Variants in AAGAB observed in about 807,000 individuals in gnomAD.
The protein encoded by AAGAB is alpha- and gamma-adaptin-binding protein p34.
AAGAB carries 38 observed loss-of-function variants against 44.1 expected under a neutral mutation model. The ratio of observed to expected loss-of-function variants is 0.86; its 90% CI spans 0.67 to 1.13. The LOEUF (loss-of-function observed/expected upper bound fraction) is 1.13, where lower values mean the gene tolerates loss of function less well. AAGAB is among the 50% of genes most tolerant of loss of function. AAGAB has a pLI of 0.00. For missense variants in AAGAB, 450 were observed against 373.8 expected, an observed-to-expected ratio of 1.20 and a Z score of -1.68; for synonymous variants, 131 against 131.8, an observed-to-expected ratio of 0.99 and a Z score of 0.04.
chr15:67,253,144 G>A (rs925900566), intron 1 of AAGAB, among the ~76,000 whole-genome samples: 1 of 152,086 alleles, frequency 6.6e-6, no homozygotes, highest in African/African-American at 2.4e-5. Flanking sequence ...TGAAGGGGCC[G>A]GGCGCGGTGG....
chr15:67,223,676 C>G (rs1300326843), intron 5 of AAGAB, among the ~76,000 whole-genome samples: 2 of 152,192 alleles, frequency 1.3e-5, no homozygotes, highest in African/African-American at 4.8e-5. Flanking sequence ...CCAGAGTGAT[C>G]TTTTTAGACT....
chr15:67,222,238 G>GCACACA (rs1280858919), intron 5 of AAGAB, among the ~76,000 whole-genome samples: 1 of 45,836 alleles, frequency 2.2e-5, no homozygotes, highest in Admixed American at 3.0e-4. Context: ...GCACGCGCGC[G>GCACACA]CGCGCACACA....
At chr15:67,245,142 C>T (rs1413281524) in intron 1 of AAGAB, among the ~76,000 whole-genome samples, 1 of 152,190 alleles carries the variant, frequency 6.6e-6, no homozygotes, top group Non-Finnish European at 1.5e-5. Flanking sequence ...TATGACCCAG[C>T]AATTCCACTC....
intron 5 of AAGAB, among the ~76,000 whole-genome samples, chr15:67,210,376 C>T (rs1963787836): frequency 6.6e-6 from 1 of 151,968 alleles, no homozygotes. Context: ...ATTAGCCAGG[C>T]ATGGTGGTGG....
chr15:67,237,601 A>C (rs1468169867), intron 1 of AAGAB, among the ~76,000 whole-genome samples: 3 of 152,172 alleles, frequency 2.0e-5, no homozygotes, highest in African/African-American at 7.2e-5. Flanking sequence ...GAGCCATGGA[A>C]GCATTTTGCT....
intron 5 of AAGAB, among the ~76,000 whole-genome samples, chr15:67,222,282 A>ACACACACACACACACACACACCC (rs796412643): frequency 2.9e-4 from 41 of 139,838 alleles, no homozygotes; most frequent in Admixed American, 6.6e-4. Flanking sequence ...ACACACACAC[A>ACACACACACACACACACACACCC]CCCTCCACCC....
chr15:67,229,558 C>T (rs1174462267), intron 5 of AAGAB, among the ~76,000 whole-genome samples: 2 of 150,870 alleles, frequency 1.3e-5, no homozygotes, highest in Non-Finnish European at 2.9e-5. Flanking sequence ...TTCAATTTAA[C>T]AGACACAATA....
At chr15:67,211,170 C>T (rs1338634484) in intron 5 of AAGAB, among the ~76,000 whole-genome samples, 3 of 152,218 alleles carry the variant, frequency 2.0e-5, no homozygotes, top group East Asian at 1.9e-4. Context: ...GCCTGACTCT[C>T]GCCACGGAGG....
At chr15:67,222,282 A>ACACACACCCC (rs796412643) in intron 5 of AAGAB, among the ~76,000 whole-genome samples, 5 of 139,930 alleles carry the variant, frequency 3.6e-5, no homozygotes, top group East Asian at 4.6e-4. Context: ...ACACACACAC[A>ACACACACCCC]CCCTCCACCC....
chr15:67,208,750 C>T (rs1461263074), intron 6 of AAGAB, 92 bp from the exon 7 acceptor site: 2 of 1,130,662 alleles, frequency 1.8e-6, no homozygotes, highest in African/African-American at 3.1e-5. Context: ...CCTTGGTTGG[C>T]TTGAGAAAAG....
chr15:67,220,742 G>T (rs988082257), intron 5 of AAGAB, among the ~76,000 whole-genome samples: 1 of 152,154 alleles, frequency 6.6e-6, no homozygotes, highest in African/African-American at 2.4e-5. Flanking sequence ...ATACTGGGAA[G>T]AAAAACATGA....
rs1567011446 is a variant in AAGAB, at chr15:67,200,737, C to T, written c.*2084G>A. On this transcript the variant is annotated 3_prime_UTR_variant, in exon 10 of 10. Transcript: ENST00000261880. ...ATGAACATAGGTCACTTTAGATAGA[C>T]TGCAGCTATTACTGTAGTGTTAGCT... 4.6e-5 allele frequency among the ~76,000 whole-genome samples: 7 copies of T among 152,242 alleles called. No homozygotes were observed. In the South Asian group the frequency reaches 1.2e-3, roughly 27 times the overall value.
chr15:67,236,572 A>T, intron 2 of AAGAB, 58 bp downstream of exon 2: 1 of 1,602,966 alleles, frequency 6.2e-7, no homozygotes, highest in Non-Finnish European at 8.5e-7. Flanking sequence ...TGTAATGGGA[A>T]AAAAAGAAGG....
intron 5 of AAGAB, among the ~76,000 whole-genome samples, chr15:67,213,903 T>C (rs544946871): frequency 3.3e-5 from 5 of 152,372 alleles, no homozygotes; most frequent in Middle Eastern, 3.4e-3. Context: ...ATATCTTCTT[T>C]ATTGTATTAT....
chr15:67,222,995 T>A (rs189264421), intron 5 of AAGAB, among the ~76,000 whole-genome samples: 1 of 152,202 alleles, frequency 6.6e-6, no homozygotes, highest in African/African-American at 2.4e-5. Flanking sequence ...ATGAGCAGCA[T>A]TGGCATAGCT....
At chr15:67,237,403 A>C (rs1964496205) in intron 1 of AAGAB, among the ~76,000 whole-genome samples, 1 of 152,234 alleles carries the variant, frequency 6.6e-6, no homozygotes, top group Non-Finnish European at 1.5e-5. Flanking sequence ...TTGAAAGCCA[A>C]CCTAAATTCT....
chr15:67,220,415 A>G (rs1484522277), intron 5 of AAGAB: 2 of 152,150 alleles, frequency 1.3e-5, no homozygotes, highest in Non-Finnish European at 2.9e-5. Context: ...AAACCAACAC[A>G]CTGTCATGGA....
At chr15:67,233,225 A>T (rs1596002711) in intron 4 of AAGAB, among the ~76,000 whole-genome samples, 2 of 152,324 alleles carry the variant, frequency 1.3e-5, no homozygotes, top group Non-Finnish European at 2.9e-5. Context: ...TGATCAGAGA[A>T]AGATAGTTTG....
Position 67,254,579 on chromosome 15 carries a change from G to T in AAGAB, c.53C>A (p.Ser18Ter), listed in dbSNP as rs1403606443. 6.2e-7 allele frequency: 1 copy of T among 1,609,960 alleles called. No individual in the cohort carries two copies. Among genetic ancestry groups the T allele is most frequent in the Admixed American group, 1.7e-5 (1 of 59,784 alleles). ...ALVTSCSSVF[S>*]GDQLVQHILG... ...CTCACGTTGGACCAGCTGGTCTCCTGAGAAGACGGAGGAGCAGCTGGTGAC... is the reference window on the plus strand; with the variant it reads ...CTCACGTTGGACCAGCTGGTCTCCTTAGAAGACGGAGGAGCAGCTGGTGAC... Residue 18 changes from serine to a stop codon, truncating the protein, a stop_gained, in exon 1 of 10, where the codon TCA becomes TAA. Coordinates refer to ENST00000261880, the MANE Select transcript of AAGAB (RefSeq NM_024666.5). LOFTEE classifies it high-confidence loss of function.
Sources: gnomAD v4.1 joint callset for allele counts (sites outside exome capture counted in the v4.1 genomes callset) on GRCh38, gnomAD v4.1.1 for gene constraint, MANE v1.5 for transcripts, NCBI Gene and HGNC (gene_info 2026-07-23, HGNC 2026-07-21) for gene names.